Variants in SRCIN1 observed in about 807,000 individuals in gnomAD.
The protein encoded by SRCIN1 is SRC kinase signaling inhibitor 1, also known as P130Cas-associated protein.
In SRCIN1, 50 loss-of-function variants were observed where a neutral mutation model predicts 116.2. The ratio of observed to expected loss-of-function variants is 0.43; its 90% CI spans 0.34 to 0.54. The LOEUF (loss-of-function observed/expected upper bound fraction) is 0.54, where lower values mean the gene tolerates loss of function less well. Ranked by LOEUF, SRCIN1 falls within the 20% of genes least tolerant of loss-of-function variation. The pLI, the probability that SRCIN1 is intolerant of heterozygous loss-of-function variation, is 0.02. For synonymous variants in SRCIN1, 736 were observed against 750.0 expected (o/e 0.98, Z 0.30); for missense variants, 1,446 against 1,672.0 (o/e 0.86, Z 2.36).
At chr17:38,599,543 G>C (rs1403955830) in intron 1 of SRCIN1, among the ~76,000 whole-genome samples, 1 of 152,198 alleles carries the variant, frequency 6.6e-6, no homozygotes, top group Non-Finnish European at 1.5e-5. Context: ...TGAGGTGAAA[G>C]ATGCAAAAAT....
At chr17:38,570,122 C>T (rs1906980388) in intron 2 of SRCIN1, among the ~76,000 whole-genome samples, 2 of 152,148 alleles carry the variant, frequency 1.3e-5, no homozygotes, top group African/African-American at 4.8e-5. Flanking sequence ...CTGATAAGGA[C>T]ATCTCCACAG....
rs1302212786 is a variant in SRCIN1 at position 38,575,093 on chromosome 17, G to A, written c.324+3397C>T. The A allele has an allele frequency of 1.0e-5, 4 of 398,322 alleles. No homozygotes were observed. The East Asian group carries it at 1.4e-4, about 14-fold the overall frequency. 24.7% of individuals were successfully genotyped at this position (398,322 alleles called of 1,614,324 possible). A position where few individuals can be genotyped will look rare whatever the true frequency, so the allele number is the denominator to read the frequency against. The stretch of plus-strand genomic sequence containing the variant: ...GCCTTGGCACAGAGCTCATACTGCA[G>A]AGGGGTCTAGCGATGCTGGCAAGTC... On this transcript the variant is annotated intron_variant, in intron 2 of 18. Transcript: ENST00000617146.
chr17:38,534,202 T>C (rs1459972099), intron 18 of SRCIN1, among the ~76,000 whole-genome samples: 2 of 152,240 alleles, frequency 1.3e-5, no homozygotes, highest in African/African-American at 4.8e-5. Flanking sequence ...CCACCGGTCC[T>C]GGAGGCTTTT....
At chr17:38,587,534 T>A (rs2143382492) in intron 1 of SRCIN1, among the ~76,000 whole-genome samples, 1 of 152,106 alleles carries the variant, frequency 6.6e-6, no homozygotes, top group South Asian at 2.1e-4. Context: ...CCTGACCCAA[T>A]CTGCAGGAGC....
intron 10 of SRCIN1, chr17:38,559,288 T>C (rs1906033257): frequency 2.0e-6 from 1 of 503,814 alleles, no homozygotes; most frequent in Admixed American, 3.8e-5. Flanking sequence ...GCTCAGTGGG[T>C]GACTGGGGCT....
chr17:38,552,243 G>A lies in SRCIN1; in HGVS notation c.2481-111C>T. ...GGAGGCAGGCTCTGGGATGCTGTGG[G>A]AGGGCCTGGGGAGGAGTGACTGCCC... is the stretch of plus-strand genomic sequence containing the variant. On this transcript the variant is annotated intron_variant, in intron 13 of 18. Transcript: ENST00000617146. This position sits in a 1 kb window ranked among gnomAD's most constrained non-coding sequence, Gnocchi z 5.3. 6.7e-7 allele frequency: 1 copy of A among 1,497,408 alleles called. No homozygotes were observed. The highest frequency in any genetic ancestry group is 9.0e-7 in the Non-Finnish European group (1 of 1,112,352). 92.8% of individuals were successfully genotyped at this position (1,497,408 alleles called of 1,614,324 possible).
At chr17:38,603,075 C>T (rs1909150428) in intron 1 of SRCIN1, among the ~76,000 whole-genome samples, 1 of 152,200 alleles carries the variant, frequency 6.6e-6, no homozygotes, top group Non-Finnish European at 1.5e-5. Flanking sequence ...CACCCCCACC[C>T]TCTAGCTCTG....
chr17:38,552,507 C>G lies in SRCIN1; in HGVS notation c.2420G>C (p.Arg807Pro). 6.2e-7 allele frequency: 1 copy of G among 1,604,294 alleles called. No homozygotes were observed. The highest frequency in any genetic ancestry group is 8.5e-7 in the Non-Finnish European group (1 of 1,175,746). The change falls in exon 13 of 19, where the codon CGC becomes CCC. Residue 807 changes from arginine (R) to proline (P), a missense_variant. Coordinates refer to ENST00000617146, the MANE Select transcript of SRCIN1 (RefSeq NM_025248.3). The surrounding 1 kb of genome is among the most constrained non-coding windows in gnomAD (Gnocchi z 5.3). ...GCAGCGCTTGAGGAGCCCATCCAGG[C>G]GCTGGGGCTCCTCCTTCAGGAACTT... ...AVKFLKEEPQ[R>P]LDGLLKRCRG...
At position 38,552,888 on chromosome 17, in the gene SRCIN1, T is replaced by C. The variant is rs1182191359; in HGVS notation, c.2202-33A>G. The C allele has an allele frequency of 6.3e-7, 1 of 1,594,086 alleles. No homozygotes were observed. Among genetic ancestry groups the C allele is most frequent in the East Asian group, 2.2e-5 (1 of 44,570 alleles). ...CACAGAGAGACCCTTTCAGCCCTTT[T>C]GGCCTGAGATGCCAGCCCAGCCCCC... On this transcript the variant is annotated intron_variant, in intron 11 of 18. Transcript: ENST00000617146. The surrounding 1 kb of genome is among the most constrained non-coding windows in gnomAD (Gnocchi z 5.3).
chr17:38,552,361 G>A lies in SRCIN1; in HGVS notation c.2480+86C>T, dbSNP rs540788264. 1,034 of 1,496,606 alleles carry A rather than the reference G, an allele frequency of 6.9e-4. 1 individual carries two copies. The highest frequency in any genetic ancestry group is 8.7e-4 in the Non-Finnish European group (980 of 1,123,192). 92.7% of individuals were successfully genotyped at this position (1,496,606 alleles called of 1,614,324 possible). A position where few individuals can be genotyped will look rare whatever the true frequency, so the allele number is the denominator to read the frequency against. On this transcript the variant is annotated intron_variant, in intron 13 of 18. Coordinates refer to ENST00000617146, the MANE Select transcript of SRCIN1 (RefSeq NM_025248.3). This position sits in a 1 kb window ranked among gnomAD's most constrained non-coding sequence, Gnocchi z 5.3. Reference sequence around the variant, plus strand: ...GTCGGCACGCCAGTGACCTTTGGGGGAGTTGGGGTAAGGGTTCAGTATGAC... The same window carrying A: ...GTCGGCACGCCAGTGACCTTTGGGGAAGTTGGGGTAAGGGTTCAGTATGAC...
chr17:38,552,097 T>C lies in SRCIN1; in HGVS notation c.2516A>G (p.Asn839Ser), dbSNP rs753930223. Residue 839 changes from asparagine (N) to serine (S), a missense_variant, in exon 14 of 19, where the codon AAT becomes AGT. Physicochemically the swap from Asn to Ser is conservative, Grantham distance 46. Coordinates refer to ENST00000617146, the MANE Select transcript of SRCIN1 (RefSeq NM_025248.3). This position sits in a 1 kb window ranked among gnomAD's most constrained non-coding sequence, Gnocchi z 5.3. The stretch of plus-strand genomic sequence containing the variant: ...CTTCTTGGGGGACTGACTCAGGAGA[T>C]TGTTGGGGGGTGGCCACACACCCTC... Reference protein sequence around the residue: ...VDEGVWPPPNNLLSQSPKKVT... With the variant: ...VDEGVWPPPNSLLSQSPKKVT... The C allele has an allele frequency of 2.5e-6, 4 of 1,612,766 alleles. No individual in the cohort carries two copies. Among genetic ancestry groups the C allele is most frequent in the Admixed American group, 1.7e-5 (1 of 59,970 alleles).
intron 2 of SRCIN1, among the ~76,000 whole-genome samples, chr17:38,569,984 A>G (rs1175628000): frequency 1.3e-5 from 2 of 152,126 alleles, no homozygotes; most frequent in African/African-American, 4.8e-5. Flanking sequence ...CTCTGCAGAG[A>G]AGGCCTCAAG....
At chr17:38,547,153 C>T (rs1398451125) in intron 17 of SRCIN1, among the ~76,000 whole-genome samples, 1 of 152,260 alleles carries the variant, frequency 6.6e-6, no homozygotes, top group African/African-American at 2.4e-5. Context: ...GCATAGCTTT[C>T]TTCCATTCCA....
rs1053616737 is a variant in SRCIN1, at chr17:38,579,620, C to T, written c.23-829G>A. Among the ~76,000 whole-genome samples the T allele has an allele frequency of 4.6e-5, 7 of 152,302 alleles. 1 individual carries two copies. The South Asian group carries it at 1.4e-3, about 32-fold the overall frequency. On this transcript the variant is annotated intron_variant, in intron 1 of 18. Transcript: ENST00000617146. ...TCCCTTCTTCAGTCTCTCCTCCCGA[C>T]ACACACACAAGATCAAGACCCATAA...
intron 1 of SRCIN1, among the ~76,000 whole-genome samples, chr17:38,601,902 G>A (rs1359061942): frequency 6.6e-6 from 1 of 152,088 alleles, no homozygotes. Context: ...GGAGGCAGAA[G>A]AAGAGACGAG....
chr17:38,589,524 T>C (rs1908328509), intron 1 of SRCIN1, among the ~76,000 whole-genome samples: 2 of 152,188 alleles, frequency 1.3e-5, no homozygotes, highest in South Asian at 4.1e-4. Context: ...GTTTACACAA[T>C]GTCTTAAAAT....
Position 38,559,669 on chromosome 17 carries a change from C to T in SRCIN1, c.1941G>A (p.Arg647=). The change falls in exon 10 of 19, where the codon CGG becomes CGA. Residue 647 remains arginine, a synonymous_variant. Transcript: ENST00000617146. ...CTCGCAGGTGAAGCTGCATCTGCAG[C>T]CGGCTAACGGCGGTAGGCTGACCTG... ...TPAGQPTAVS[R]LQMQLHLRGL... 6.2e-7 allele frequency: 1 copy of T among 1,601,278 alleles called. No homozygotes were observed. Among genetic ancestry groups the T allele is most frequent in the Non-Finnish European group, 8.5e-7 (1 of 1,178,942 alleles).
intron 1 of SRCIN1, among the ~76,000 whole-genome samples, chr17:38,590,956 G>C (rs1450882661): frequency 2.0e-5 from 3 of 152,170 alleles, no homozygotes; most frequent in South Asian, 2.1e-4. Flanking sequence ...GTCCTCTTGG[G>C]GGGGCCTATT....
intron 18 of SRCIN1, among the ~76,000 whole-genome samples, chr17:38,536,527 C>A (rs535879665): frequency 6.6e-6 from 1 of 152,358 alleles, no homozygotes; most frequent in South Asian, 2.1e-4. Flanking sequence ...GAGCCGGCCA[C>A]CTGCTCTCGC....
Sources: allele counts gnomAD v4.1 joint callset (sites outside exome capture counted in the v4.1 genomes callset), GRCh38; gene constraint gnomAD v4.1.1; non-coding constraint Gnocchi (gnomAD v3.1); transcripts MANE v1.5; gene names NCBI Gene and HGNC (gene_info 2026-07-23, HGNC 2026-07-21).